TANGO2: variants seen among roughly 807,000 people sequenced by gnomAD.
The protein encoded by TANGO2 is transport and Golgi organization protein 2 homolog.
Under a neutral mutation model 39.1 loss-of-function variants are expected in TANGO2, and 26 were observed. The observed-to-expected ratio is 0.67, with a 90% CI of 0.49 to 0.92. The LOEUF (loss-of-function observed/expected upper bound fraction) is 0.92. Ranked by LOEUF, TANGO2 falls within the 40% of genes least tolerant of loss-of-function variation. TANGO2 has a pLI of 0.00. For missense variants in TANGO2, 326 were observed against 360.1 expected, an observed-to-expected ratio of 0.91 and a Z score of 0.77; for synonymous variants, 131 against 144.5, an observed-to-expected ratio of 0.91 and a Z score of 0.67.
intron 6 of TANGO2, among the ~76,000 whole-genome samples, chr22:20,060,375 C>G (rs1020885712): frequency 6.6e-6 from 1 of 150,790 alleles, no homozygotes; most frequent in Admixed American, 6.6e-5. Context: ...AAAAGAGATC[C>G]TCCCTCCCAA....
chr22:20,050,357 GGTTTTTT>G (rs1194817611), intron 3 of TANGO2, among the ~76,000 whole-genome samples: 7 of 69,208 alleles, frequency 1.0e-4, no homozygotes, highest in East Asian at 6.9e-4. Context: ...TTTTCCTGGT[GGTTTTTT>G]TTTTTTTTTT....
At position 20,064,809 on chromosome 22, in the gene TANGO2, T is replaced by C. The variant is rs1453318402; in HGVS notation, c.*147T>C. On this transcript the variant is annotated 3_prime_UTR_variant, in exon 9 of 9. Transcript: ENST00000327374. ...GATCAGGGCCCTGTGGTTTGCGTGT[T>C]ACCCATCTGTGTCCCCATGCCCAGT... 3 of 1,019,050 alleles carry C rather than the reference T, an allele frequency of 2.9e-6. No individual in the cohort carries two copies. Among genetic ancestry groups the C allele is most frequent in the Non-Finnish European group, 2.8e-6 (2 of 715,424 alleles). The allele number at this position is 1,019,050 out of a possible 1,614,324, so 63.1% of individuals were successfully genotyped here. A position where few individuals can be genotyped will look rare whatever the true frequency, so the allele number is the denominator to read the frequency against.
intron 2 of TANGO2, among the ~76,000 whole-genome samples, chr22:20,037,281 G>C (rs142475657): frequency 1.3e-5 from 2 of 152,234 alleles, no homozygotes; most frequent in African/African-American, 4.8e-5. Context: ...CCTGAGCTGA[G>C]GAAAAAGAAC....
At chr22:20,053,663 C>T (rs754371574) in intron 5 of TANGO2, 112 bp downstream of exon 5, 17 of 728,022 alleles carry the variant, frequency 2.3e-5, no homozygotes, top group Admixed American at 1.2e-4. Flanking sequence ...TCTCCAGGGA[C>T]GTTGCTCCTC....
chr22:20,036,869 C>G lies in TANGO2; in HGVS notation c.56+15C>G. ...AACGCGTACAGGTAACCCCCTCGCT[C>G]TGCATCTGCTGCGCCCTGCAGGGTC... On this transcript the variant is annotated intron_variant, in intron 2 of 8. Coordinates refer to ENST00000327374, the MANE Select transcript of TANGO2 (RefSeq NM_152906.7). 1 of 1,614,252 alleles carries G rather than the reference C, an allele frequency of 6.2e-7. No homozygotes were observed. The highest frequency in any genetic ancestry group is 8.5e-7 in the Non-Finnish European group (1 of 1,180,048).
chr22:20,059,475 G>A (rs1012759855), intron 6 of TANGO2, among the ~76,000 whole-genome samples: 4 of 152,254 alleles, frequency 2.6e-5, no homozygotes, highest in African/African-American at 9.6e-5. Context: ...TGCCAAAGCA[G>A]CCGCAGCATT....
At chr22:20,051,612 G>T (rs894281778) in intron 3 of TANGO2, among the ~76,000 whole-genome samples, 2 of 152,208 alleles carry the variant, frequency 1.3e-5, no homozygotes, top group Non-Finnish European at 2.9e-5. Flanking sequence ...AGCACTTTGG[G>T]AGGCTGAGTC....
At position 20,035,814 on chromosome 22, in the gene TANGO2, G is replaced by T. The variant is rs532162281; in HGVS notation, c.-39-946G>T. Among the ~76,000 whole-genome samples, 18 of 152,292 alleles carry T rather than the reference G, an allele frequency of 1.2e-4. No individual in the cohort carries two copies. In the South Asian group the frequency reaches 3.1e-3, roughly 26 times the overall value. On this transcript the variant is annotated intron_variant, in intron 1 of 8. Coordinates refer to ENST00000327374, the MANE Select transcript of TANGO2 (RefSeq NM_152906.7). ...GTTGCAGGGGAGGAGATGTGCATGTGGGGGACAGTCTTGAAGGAAGAATGT... is the reference window on the plus strand; with the variant it reads ...GTTGCAGGGGAGGAGATGTGCATGTTGGGGACAGTCTTGAAGGAAGAATGT...
chr22:20,018,998 C>T (rs1474293953), upstream of TANGO2, among the ~76,000 whole-genome samples: 2 of 152,068 alleles, frequency 1.3e-5, no homozygotes, highest in African/African-American at 2.4e-5. Context: ...GGCAGGAGAT[C>T]GCTTGAACCT....
At chr22:20,031,553 G>C (rs2041874423) in intron 1 of TANGO2, among the ~76,000 whole-genome samples, 2 of 152,210 alleles carry the variant, frequency 1.3e-5, no homozygotes, top group East Asian at 3.8e-4. Context: ...TGTCAGCCTG[G>C]GCTACATATC....
chr22:20,049,612 A>T (rs2045898940), intron 3 of TANGO2, among the ~76,000 whole-genome samples: 1 of 151,118 alleles, frequency 6.6e-6, no homozygotes, highest in Admixed American at 6.6e-5. Context: ...GTGAGCTGAG[A>T]TCACGCCATT....
intron 7 of TANGO2, among the ~76,000 whole-genome samples, chr22:20,062,647 T>C (rs984226480): frequency 7.2e-5 from 11 of 152,210 alleles, no homozygotes; most frequent in Non-Finnish European, 1.5e-4. Flanking sequence ...CCCTCACTGA[T>C]GGCTGGAGCC....
intron 1 of TANGO2, among the ~76,000 whole-genome samples, chr22:20,022,907 G>A (rs2039992066): frequency 6.6e-6 from 1 of 152,242 alleles, no homozygotes. Flanking sequence ...CCATCCTTTG[G>A]TGACGTGTCA....
chr22:20,018,405 C>T (rs1945353537), upstream of TANGO2, among the ~76,000 whole-genome samples: 1 of 152,152 alleles, frequency 6.6e-6, no homozygotes, highest in Non-Finnish European at 1.5e-5. Context: ...GTCGTTTCCT[C>T]CATTTAGGAG....
At chr22:20,061,780 GCCAGGCTGGGTCC>G in intron 7 of TANGO2, 97 bp downstream of exon 7, 1 of 1,407,936 alleles carries the variant, frequency 7.1e-7, no homozygotes, top group Non-Finnish European at 9.4e-7. Context: ...CATGGAAGTG[GCCAGGCTGGGTCC>G]CCAGCTGCAG....
intron 5 of TANGO2, 24 bp downstream of exon 5, chr22:20,053,575 C>G (rs199986895): frequency 1.3e-6 from 2 of 1,497,282 alleles, no homozygotes; most frequent in Non-Finnish European, 1.9e-6. Flanking sequence ...AGGGGGATGG[C>G]GGCTCTGCCC....
chr22:20,033,603 A>G (rs1415343507), intron 1 of TANGO2, among the ~76,000 whole-genome samples: 1 of 152,222 alleles, frequency 6.6e-6, no homozygotes, highest in Non-Finnish European at 1.5e-5. Context: ...CCTGGGCTCC[A>G]GGCCAGTGGG....
chr22:20,025,381 CTG>C (rs1354363277), intron 1 of TANGO2, among the ~76,000 whole-genome samples: 1 of 152,070 alleles, frequency 6.6e-6, no homozygotes, highest in East Asian at 2.0e-4. Flanking sequence ...GTGTGAGCCA[CTG>C]TGCCTGGCCA....
At chr22:20,033,054 G>A (rs956203821) in intron 1 of TANGO2, 3 of 408,526 alleles carry the variant, frequency 7.3e-6, no homozygotes, top group Non-Finnish European at 1.4e-5. Flanking sequence ...TCACAGGTCG[G>A]GGGAGGTGAA....
Sources: gnomAD v4.1 joint callset for allele counts (sites outside exome capture counted in the v4.1 genomes callset) on GRCh38, gnomAD v4.1.1 for gene constraint, MANE v1.5 for transcripts, NCBI Gene and HGNC (gene_info 2026-07-23, HGNC 2026-07-21) for gene names.